Variants in GTPBP10 observed in about 807,000 individuals in gnomAD.
The protein encoded by GTPBP10 is GTP binding protein 10, also known as GTP-binding protein 10.
GTPBP10 carries 38 observed loss-of-function variants against 44.8 expected under a neutral mutation model. That is an observed-to-expected ratio of 0.85 (90% CI 0.65 to 1.11). GTPBP10 has a LOEUF of 1.11. Among genes scored for constraint, GTPBP10 ranks in the 50% most tolerant of loss-of-function variants. The pLI is 0.00. For missense variants in GTPBP10, 462 were observed against 453.7 expected (o/e 1.02, Z -0.17); for synonymous variants, 152 against 150.6 (o/e 1.01, Z -0.07).
At chr7:90,372,888 T>G (rs1469320793) in intron 5 of GTPBP10, among the ~76,000 whole-genome samples, 2 of 152,176 alleles carry the variant, frequency 1.3e-5, no homozygotes, top group African/African-American at 4.8e-5. Context: ...TGACTTGTAT[T>G]GAGTTTGTAG....
chr7:90,377,387 A>C (rs1796358634), intron 6 of GTPBP10, 120 bp from the exon 7 acceptor site: 2 of 578,838 alleles, frequency 3.5e-6, no homozygotes, highest in East Asian at 5.6e-5. Flanking sequence ...TCAAAGATGT[A>C]GTGGTAATCA....
At chr7:90,380,627 A>C (rs1182638259) in intron 8 of GTPBP10, among the ~76,000 whole-genome samples, 5 of 152,226 alleles carry the variant, frequency 3.3e-5, no homozygotes, top group Non-Finnish European at 2.9e-5. Flanking sequence ...AACATGATCC[A>C]TCATCTTACA....
At position 90,388,562 on chromosome 7, in the gene GTPBP10, ATAT is replaced by A. The variant is rs1255800170; in HGVS notation, c.*3416_*3418del. The stretch of plus-strand genomic sequence containing the variant: ...GTTGTGCTTTTTGTGATATATATTC[ATAT>A]TATTATTTGTCATAACAAGGTGAAC... On this transcript the variant is annotated 3_prime_UTR_variant, in exon 10 of 10. Coordinates refer to ENST00000222511, the MANE Select transcript of GTPBP10 (RefSeq NM_033107.4). 1 of 152,210 alleles carries A rather than the reference ATAT, an allele frequency of 6.6e-6. No homozygotes were observed. Among genetic ancestry groups the A allele is most frequent in the Admixed American group, 6.5e-5 (1 of 15,286 alleles). 9.4% of individuals were successfully genotyped at this position (152,210 alleles called of 1,614,324 possible).
At chr7:90,346,842 T>A in intron 1 of GTPBP10, 68 bp downstream of exon 1, 9 of 1,528,286 alleles carry the variant, frequency 5.9e-6, no homozygotes, top group Non-Finnish European at 8.2e-6. Context: ...TGCTCCCCTG[T>A]CTCTCCACTA....
At chr7:90,381,012 C>G (rs1463576937) in intron 8 of GTPBP10, among the ~76,000 whole-genome samples, 1 of 151,890 alleles carries the variant, frequency 6.6e-6, no homozygotes, top group African/African-American at 2.4e-5. Context: ...GTGTGTATAC[C>G]ACATTTTCGT....
chr7:90,371,461 A>G (rs1467819164), intron 4 of GTPBP10, among the ~76,000 whole-genome samples: 2 of 152,216 alleles, frequency 1.3e-5, no homozygotes, highest in Non-Finnish European at 2.9e-5. Flanking sequence ...TTTGCAGACA[A>G]TAGAGGGAAA....
Position 90,346,726 on chromosome 7 carries a change from C to G in GTPBP10, c.-16C>G, listed in dbSNP as rs763845371. 1.2e-6 allele frequency: 2 copies of G among 1,614,098 alleles called. No individual in the cohort carries two copies. The highest frequency in any genetic ancestry group is 1.7e-5 in the Admixed American group (1 of 60,008). On this transcript the variant is annotated 5_prime_UTR_variant, in exon 1 of 10. Coordinates refer to ENST00000222511, the MANE Select transcript of GTPBP10 (RefSeq NM_033107.4). ...TGTGCCGCTTCCGCAAGAAGGTTTCCTGGCCTGTTGCAGCCATGGTGCATT... is the reference window on the plus strand; with the variant it reads ...TGTGCCGCTTCCGCAAGAAGGTTTCGTGGCCTGTTGCAGCCATGGTGCATT...
intron 4 of GTPBP10, among the ~76,000 whole-genome samples, chr7:90,364,405 A>G (rs1796090654): frequency 2.6e-5 from 4 of 152,210 alleles, no homozygotes; most frequent in African/African-American, 9.6e-5. Context: ...GGTCCACTCC[A>G]GACCGTTTGC....
At chr7:90,371,392 ACTTC>A (rs1796254619) in intron 4 of GTPBP10, 1 of 154,174 alleles carries the variant, frequency 6.5e-6, no homozygotes, top group African/African-American at 2.4e-5. Flanking sequence ...GTTTTCCCCT[ACTTC>A]CTTCAAAAAA....
chr7:90,360,777 A>G (rs1033180591), intron 4 of GTPBP10, among the ~76,000 whole-genome samples: 5 of 152,108 alleles, frequency 3.3e-5, no homozygotes, highest in Non-Finnish European at 7.4e-5. Context: ...ATGAGCATGG[A>G]ATGTTCTTCC....
chr7:90,377,427 T>C (rs894848043), intron 6 of GTPBP10, 80 bp from the exon 7 acceptor site: 10 of 849,170 alleles, frequency 1.2e-5, no homozygotes, highest in Non-Finnish European at 1.9e-5. Context: ...ATTTGAAATA[T>C]CTTAAAAATT....
chr7:90,384,731 A>G (rs564641476), intron 9 of GTPBP10, among the ~76,000 whole-genome samples, 161 bp from the exon 10 acceptor site: 2 of 152,262 alleles, frequency 1.3e-5, no homozygotes, highest in Admixed American at 1.3e-4. Context: ...ACCATAATCA[A>G]TGGTAAAATC....
chr7:90,360,762 T>C (rs1257912941), intron 4 of GTPBP10, among the ~76,000 whole-genome samples: 1 of 152,216 alleles, frequency 6.6e-6, no homozygotes. Context: ...TGATTCTTCC[T>C]ATCGATGAGC....
At chr7:90,381,251 A>G (rs558719290) in intron 8 of GTPBP10, among the ~76,000 whole-genome samples, 2 of 152,290 alleles carry the variant, frequency 1.3e-5, no homozygotes, top group South Asian at 2.1e-4. Context: ...TTCCCACTCA[A>G]CGGTGTTCAA....
At chr7:90,350,072 G>A (rs765826008) in intron 1 of GTPBP10, among the ~76,000 whole-genome samples, 4 of 151,904 alleles carry the variant, frequency 2.6e-5, no homozygotes, top group Admixed American at 1.3e-4. Context: ...CTCTCACCCA[G>A]CCCCCAACCC....
chr7:90,374,719 G>C (rs1188986722), intron 6 of GTPBP10, among the ~76,000 whole-genome samples: 1 of 151,860 alleles, frequency 6.6e-6, no homozygotes, highest in African/African-American at 2.4e-5. Context: ...TTTTGAGAAA[G>C]AAAATGTTTT....
chr7:90,371,640 G>A (rs147289422), intron 4 of GTPBP10, among the ~76,000 whole-genome samples: 69 of 152,250 alleles, frequency 4.5e-4, no homozygotes, highest in African/African-American at 1.5e-3. Flanking sequence ...TATTTGTAAC[G>A]TACAGACCTT....
At chr7:90,347,004 C>G (rs904912856) in intron 1 of GTPBP10, among the ~76,000 whole-genome samples, 1 of 152,138 alleles carries the variant, frequency 6.6e-6, no homozygotes, top group African/African-American at 2.4e-5. Flanking sequence ...GTTTGAAGTT[C>G]TTTAGAGACA....
intron 1 of GTPBP10, among the ~76,000 whole-genome samples, chr7:90,350,763 T>C (rs1795775941): frequency 6.6e-6 from 1 of 152,242 alleles, no homozygotes. Flanking sequence ...TGTCTTTTTT[T>C]ACACTGATTC....
Sources: allele counts gnomAD v4.1 joint callset (sites outside exome capture counted in the v4.1 genomes callset), GRCh38; gene constraint gnomAD v4.1.1; transcripts MANE v1.5; gene names NCBI Gene and HGNC (gene_info 2026-07-23, HGNC 2026-07-21).